AGMO: variants seen among roughly 807,000 people sequenced by gnomAD.
AGMO encodes the protein glyceryl-ether monooxygenase.
A neutral mutation model predicts 60.2 loss-of-function variants in AGMO; 75 were observed. That is an observed-to-expected ratio of 1.25 (90% CI 1.03 to 1.51). The LOEUF is 1.51. AGMO is among the 40% of genes most tolerant of loss of function. The probability of loss-of-function intolerance (pLI) is 0.00; values close to 1 mark genes in which losing one functional copy is unlikely to be tolerated. For missense variants in AGMO, 763 were observed against 525.5 expected, an observed-to-expected ratio of 1.45 and a Z score of -4.42; for synonymous variants, 261 against 177.1, an observed-to-expected ratio of 1.47 and a Z score of -3.76.
At chr7:15,211,984 GA>G (rs1781604264) in intron 12 of AGMO, among the ~76,000 whole-genome samples, 1 of 151,912 alleles carries the variant, frequency 6.6e-6, no homozygotes, top group African/African-American at 2.4e-5. Context: ...AACTGCAAAG[GA>G]AAGGGCCAAA....
chr7:15,435,106 T>A (rs1781363207), intron 3 of AGMO, among the ~76,000 whole-genome samples: 1 of 152,172 alleles, frequency 6.6e-6, no homozygotes, highest in Non-Finnish European at 1.5e-5. Context: ...GTTTTGTTTT[T>A]ATCTATTCAT....
chr7:15,362,070 C>G (rs1293908138), intron 12 of AGMO, among the ~76,000 whole-genome samples: 1 of 152,042 alleles, frequency 6.6e-6, no homozygotes. Context: ...TCAGTCAGCC[C>G]TAATTCATAT....
downstream of AGMO, among the ~76,000 whole-genome samples, chr7:15,198,836 C>T (rs1389821503): frequency 1.3e-5 from 2 of 152,076 alleles, no homozygotes; most frequent in East Asian, 3.9e-4. Flanking sequence ...AAAATATCTC[C>T]AACACCAATC....
chr7:15,535,197 T>C (rs1282115427), intron 3 of AGMO, among the ~76,000 whole-genome samples: 4 of 151,926 alleles, frequency 2.6e-5, no homozygotes, highest in African/African-American at 7.2e-5. Flanking sequence ...AGAGCCTGTC[T>C]CTCGGGGATG....
chr7:15,233,023 T>G (rs2128500017), intron 12 of AGMO, among the ~76,000 whole-genome samples: 2 of 152,232 alleles, frequency 1.3e-5, no homozygotes, highest in Middle Eastern at 6.8e-3. Flanking sequence ...AGATGGAATT[T>G]TATGCCATGC....
chr7:15,175,989 G>A, the AGMO span, among the ~76,000 whole-genome samples: 1 of 151,920 alleles, frequency 6.6e-6, no homozygotes, highest in African/African-American at 2.4e-5. Context: ...AAGATCACAA[G>A]GAAGGAATGA....
intron 12 of AGMO, among the ~76,000 whole-genome samples, chr7:15,285,618 A>G (rs1264258310): frequency 6.6e-6 from 1 of 152,148 alleles, no homozygotes; most frequent in African/African-American, 2.4e-5. Context: ...GGATTGGCAG[A>G]ATCAATATCA....
the AGMO span, among the ~76,000 whole-genome samples, chr7:15,144,753 T>G: frequency 0.55 from 82,826 of 151,876 alleles, 23,131 homozygotes; most frequent in African/African-American, 0.64. Context: ...GTATACATAC[T>G]GGTGTTAGGA....
At chr7:15,202,689 A>G (rs954352243) in intron 12 of AGMO, among the ~76,000 whole-genome samples, 3 of 152,110 alleles carry the variant, frequency 2.0e-5, no homozygotes, top group Non-Finnish European at 2.9e-5. Flanking sequence ...TTGAAGGAGA[A>G]GTCAAGAATA....
chr7:15,412,424 G>T (rs182981825), intron 5 of AGMO, among the ~76,000 whole-genome samples: 109 of 152,012 alleles, frequency 7.2e-4, no homozygotes, highest in African/African-American at 2.3e-3. Context: ...ATATAAGGGG[G>T]AAATCCTAGA....
downstream of AGMO, among the ~76,000 whole-genome samples, chr7:15,195,393 C>G (rs1781091738): frequency 6.6e-6 from 1 of 152,200 alleles, no homozygotes; most frequent in Non-Finnish European, 1.5e-5. Flanking sequence ...CAGGGTTGTA[C>G]AGATTGGCTT....
At chr7:15,544,965 A>G in intron 2 of AGMO, 42 bp from the exon 3 acceptor site, 1 of 1,369,524 alleles carries the variant, frequency 7.3e-7, no homozygotes, top group Admixed American at 2.7e-5. Flanking sequence ...ATAACATTTT[A>G]GAAAAAAAAT....
downstream of AGMO, among the ~76,000 whole-genome samples, chr7:15,195,511 A>T (rs528552481): frequency 9.2e-4 from 140 of 152,266 alleles, 2 homozygotes; most frequent in African/African-American, 3.3e-3. Context: ...TCTTTTTATT[A>T]TGCAAATGGG....
chr7:15,150,922 G>C, the AGMO span, among the ~76,000 whole-genome samples: 48 of 152,158 alleles, frequency 3.2e-4, no homozygotes, highest in African/African-American at 1.1e-3. Flanking sequence ...ATGTCTGGTA[G>C]AATTTGGCTG....
At chr7:15,462,179 A>G (rs1782160160) in intron 3 of AGMO, among the ~76,000 whole-genome samples, 1 of 152,154 alleles carries the variant, frequency 6.6e-6, no homozygotes, top group Non-Finnish European at 1.5e-5. Flanking sequence ...GAATATCAGA[A>G]AGCTAATTTC....
At chr7:15,472,629 T>C (rs1471772438) in intron 3 of AGMO, among the ~76,000 whole-genome samples, 1 of 151,972 alleles carries the variant, frequency 6.6e-6, no homozygotes, top group African/African-American at 2.4e-5. Context: ...ACAGTTAATT[T>C]AAAATTATTT....
intron 12 of AGMO, among the ~76,000 whole-genome samples, chr7:15,357,352 G>T (rs1317799809): frequency 2.6e-5 from 4 of 151,838 alleles, no homozygotes; most frequent in Non-Finnish European, 4.4e-5. Flanking sequence ...GACTCATTTA[G>T]GATGACTTCA....
chr7:15,489,984 T>A (rs555715228), intron 3 of AGMO, among the ~76,000 whole-genome samples: 1 of 152,328 alleles, frequency 6.6e-6, no homozygotes, highest in South Asian at 2.1e-4. Flanking sequence ...AAGTGAATTA[T>A]TTTTAGAATT....
rs1284514769 is a variant in AGMO, at chr7:15,213,303, G to C, written c.1264-11944C>G. 2.0e-5 allele frequency among the ~76,000 whole-genome samples: 3 copies of C among 151,540 alleles called. No individual in the cohort carries two copies. In the South Asian group the frequency reaches 6.2e-4, roughly 32 times the overall value. ...ACGAAATGTGGACTCTCATCCTTTGGGTCACAAATAGCTGAATTGTTTTAT... is the reference window on the plus strand; with the variant it reads ...ACGAAATGTGGACTCTCATCCTTTGCGTCACAAATAGCTGAATTGTTTTAT... On this transcript the variant is annotated intron_variant, in intron 12 of 12. Transcript: ENST00000342526.
Sources: gnomAD v4.1 joint callset for allele counts (sites outside exome capture counted in the v4.1 genomes callset) on GRCh38, gnomAD v4.1.1 for gene constraint, MANE v1.5 for transcripts, NCBI Gene and HGNC (gene_info 2026-07-23, HGNC 2026-07-21) for gene names.